MUC17: variants seen among roughly 807,000 people sequenced by gnomAD.
MUC17 encodes the protein mucin-17.
MUC17 carries 190 observed loss-of-function variants against 170.3 expected under a neutral mutation model. The observed-to-expected ratio is 1.12, with a 90% confidence interval of 0.99 to 1.26. The LOEUF (loss-of-function observed/expected upper bound fraction) is 1.26, where lower values mean the gene tolerates loss of function less well. Among genes scored for constraint, MUC17 ranks in the 50% most tolerant of loss-of-function variants. MUC17 has a pLI of 0.00. For missense variants in MUC17, 6,415 were observed against 5,530.0 expected (o/e 1.16, Z -5.08); for synonymous variants, 2,325 against 2,002.5 (o/e 1.16, Z -4.30).
chr7:101,031,079 A>G (rs975484200), intron 1 of MUC17, 41 bp from the exon 2 acceptor site: 1 of 1,579,104 alleles, frequency 6.3e-7, no homozygotes, highest in Non-Finnish European at 8.6e-7. Flanking sequence ...ATGAAGGAAG[A>G]TCATGGCTCT....
intron 1 of MUC17, among the ~76,000 whole-genome samples, chr7:101,024,968 A>C (rs1313607437): frequency 6.6e-6 from 1 of 151,496 alleles, no homozygotes; most frequent in Non-Finnish European, 1.5e-5. Flanking sequence ...GGCCACCAGC[A>C]CCCCACTTGA....
At chr7:101,026,602 A>C (rs1794184151) in intron 1 of MUC17, among the ~76,000 whole-genome samples, 2 of 152,154 alleles carry the variant, frequency 1.3e-5, no homozygotes, top group African/African-American at 4.8e-5. Flanking sequence ...GTGGTTTTTA[A>C]GAGATATGAC....
At position 101,042,331 on chromosome 7, in the gene MUC17, A is replaced by C. The variant is rs139919119; in HGVS notation, c.10915A>C (p.Ile3639Leu). ...TPSEVSTPLT[I>L]MPVSTTSVTI... ...TAGTGAAGTAAGCACTCCATTAACC[A>C]TTATGCCTGTCAGCACCACATCGGT... Residue 3639 changes from isoleucine (I) to leucine (L), a missense_variant, in exon 3 of 13, where the codon ATT (isoleucine) becomes CTT (leucine). Coordinates refer to ENST00000306151, the MANE Select transcript of MUC17 (RefSeq NM_001040105.2). 2.8e-4 allele frequency: 448 copies of C among 1,614,040 alleles called. 2 individuals carry two copies. In the African/African-American group the frequency reaches 5.4e-3, roughly 20 times the overall value.
intron 11 of MUC17, among the ~76,000 whole-genome samples, chr7:101,054,141 G>C (rs537511868): frequency 1.3e-5 from 2 of 148,574 alleles, no homozygotes; most frequent in South Asian, 2.1e-4. Context: ...TAGAGTGAAG[G>C]GGGAAAATAT....
At chr7:101,029,487 G>A (rs745885370) in intron 1 of MUC17, among the ~76,000 whole-genome samples, 19 of 152,022 alleles carry the variant, frequency 1.2e-4, no homozygotes, top group Non-Finnish European at 2.2e-4. Flanking sequence ...TCTCTCCATC[G>A]TTCATGTTTT....
Position 101,042,131 on chromosome 7 carries a change from G to T in MUC17, c.10715G>T (p.Ser3572Ile), listed in dbSNP as rs781120235. 1.9e-6 allele frequency: 3 copies of T among 1,614,190 alleles called. No homozygotes were observed. The Admixed American group carries it at 5.0e-5, about 27-fold the overall frequency. ...ACCACTATGCGTATGTCTACTCCAA[G>T]TGAAGGAAGCTCTTCATTAACAACT... ...QVTTMRMSTPSEGSSSLTTML... is the reference protein window; with the variant it reads ...QVTTMRMSTPIEGSSSLTTML... The change falls in exon 3 of 13, where the codon AGT becomes ATT. Residue 3572 changes from serine to isoleucine, a missense_variant. Coordinates refer to ENST00000306151, the MANE Select transcript of MUC17 (RefSeq NM_001040105.2).
At position 101,041,075 on chromosome 7, in the gene MUC17, G is replaced by A. The variant is rs772114947; in HGVS notation, c.9659G>A (p.Gly3220Glu). 1.2e-6 allele frequency: 2 copies of A among 1,613,500 alleles called. No homozygotes were observed. Among genetic ancestry groups the A allele is most frequent in the African/African-American group, 1.3e-5 (1 of 74,698 alleles). Residue 3220 changes from glycine (G) to glutamate (E), a missense_variant, in exon 3 of 13, where the codon GGA becomes GAA. Coordinates refer to ENST00000306151, the MANE Select transcript of MUC17 (RefSeq NM_001040105.2). ...ATTCCAACCTCAACTCCTAGTGAAGGAATGACTCCATTAACTAGTGTACCT... is the reference window on the plus strand; with the variant it reads ...ATTCCAACCTCAACTCCTAGTGAAGAAATGACTCCATTAACTAGTGTACCT... ...TSIPTSTPSE[G>E]MTPLTSVPVS...
intron 1 of MUC17, among the ~76,000 whole-genome samples, chr7:101,029,594 T>A (rs1005439696): frequency 1.8e-4 from 28 of 151,798 alleles, no homozygotes; most frequent in African/African-American, 6.3e-4. Flanking sequence ...TTAATTAATT[T>A]ATTATTATTA....
Position 101,039,383 on chromosome 7 carries a change from C to T in MUC17, c.7967C>T (p.Thr2656Ile), listed in dbSNP as rs1211794189. The change falls in exon 3 of 13, where the codon ACT becomes ATT. Residue 2656 changes from threonine to isoleucine, a missense_variant. By Grantham distance (89) the Thr-to-Ile change is moderately conservative. Coordinates refer to ENST00000306151, the MANE Select transcript of MUC17 (RefSeq NM_001040105.2). ...ASSEASTLST[T>I]PVDTRTLVTT... ...TCTGAGGCTAGCACCCTTTCAACAA[C>T]TCCTGTTGACACCAGGACACTTGTG... 1 of 1,612,166 alleles carries T rather than the reference C, an allele frequency of 6.2e-7. No homozygotes were observed. The highest frequency in any genetic ancestry group is 8.5e-7 in the Non-Finnish European group (1 of 1,179,190).
chr7:101,031,937 C>A lies in MUC17; in HGVS notation c.521C>A (p.Ala174Asp). The part of the protein sequence containing the change: ...VSTAPLPSFE[A>D]YTSLTYKVDM... The stretch of plus-strand genomic sequence containing the variant: ...ACTGCACCTCTTCCCAGTTTTGAGG[C>A]CTACACATCTTTAACATATAAGGTT... The change falls in exon 3 of 13, where the codon GCC becomes GAC. Residue 174 changes from alanine to aspartate, a missense_variant. Transcript: ENST00000306151. 6.2e-7 allele frequency: 1 copy of A among 1,614,056 alleles called. No homozygotes were observed. The highest frequency in any genetic ancestry group is 8.5e-7 in the Non-Finnish European group (1 of 1,180,022).
chr7:101,037,426 A>T lies in MUC17; in HGVS notation c.6010A>T (p.Thr2004Ser). ...GCTGGTGGTCAGTTCTGAGGCTAGC[A>T]CTCTTTCCACAACTCCTGTTGACAC... ...TTLVVSSEAS[T>S]LSTTPVDTST... The change falls in exon 3 of 13, where the codon ACT becomes TCT. Residue 2004 changes from threonine (T) to serine (S), a missense_variant. Transcript: ENST00000306151. The T allele has an allele frequency of 6.2e-7, 1 of 1,611,172 alleles. No individual in the cohort carries two copies. Among genetic ancestry groups the T allele is most frequent in the Non-Finnish European group, 8.5e-7 (1 of 1,178,326 alleles).
intron 1 of MUC17, among the ~76,000 whole-genome samples, chr7:101,030,230 CTTT>C (rs57980303): frequency 2.9e-5 from 4 of 136,184 alleles, no homozygotes; most frequent in Admixed American, 7.5e-5. Context: ...ACAATGTTGG[CTTT>C]TTTTTTTTTT....
chr7:101,026,161 G>A lies in MUC17; in HGVS notation c.83-4959G>A, dbSNP rs1282597087. 2.0e-5 allele frequency among the ~76,000 whole-genome samples: 3 copies of A among 152,134 alleles called. No individual in the cohort carries two copies. In the South Asian group the frequency reaches 6.2e-4, roughly 31 times the overall value. Reference sequence around the variant, plus strand: ...ACTCCACCCTCTTCCCACCTCTTAGGGGTCAGTGGATCAGGGCCTACCGGG... The same window carrying A: ...ACTCCACCCTCTTCCCACCTCTTAGAGGTCAGTGGATCAGGGCCTACCGGG... On this transcript the variant is annotated intron_variant, in intron 1 of 12. Coordinates refer to ENST00000306151, the MANE Select transcript of MUC17 (RefSeq NM_001040105.2).
At chr7:101,047,934 G>A (rs768452008) in intron 3 of MUC17, 50 bp from the exon 4 acceptor site, 1 of 1,526,684 alleles carries the variant, frequency 6.6e-7, no homozygotes, top group Non-Finnish European at 8.8e-7. Context: ...TTCCAGTGAG[G>A]TGCCTCAATG....
chr7:101,057,843 G>A (rs1027740330), intron 12 of MUC17, among the ~76,000 whole-genome samples, 160 bp from the exon 13 acceptor site: 3 of 152,126 alleles, frequency 2.0e-5, no homozygotes, highest in African/African-American at 7.2e-5. Flanking sequence ...TTGTGCCACT[G>A]CACTCCAGCC....
rs1219095300 is a variant in MUC17 at position 101,032,674 on chromosome 7, T to C, written c.1258T>C (p.Ser420Pro). Residue 420 changes from serine (S) to proline (P), a missense_variant, in exon 3 of 13, where the codon TCC becomes CCC. By Grantham distance (74) the Ser-to-Pro change is moderately conservative. Coordinates refer to ENST00000306151, the MANE Select transcript of MUC17 (RefSeq NM_001040105.2). Reference protein sequence around the residue: ...ASTTSTIPVDSKTFVTTASEA... With the variant: ...ASTTSTIPVDPKTFVTTASEA... ...CACCACTTCAACAATTCCTGTTGAC[T>C]CCAAAACTTTTGTGACCACTGCTAG... 4 of 1,569,864 alleles carry C rather than the reference T, an allele frequency of 2.5e-6. No individual in the cohort carries two copies. Among genetic ancestry groups the C allele is most frequent in the Non-Finnish European group, 3.5e-6 (4 of 1,151,902 alleles).
Position 101,038,641 on chromosome 7 carries a change from G to A in MUC17, c.7225G>A (p.Val2409Met), listed in dbSNP as rs778193009. 6.2e-7 allele frequency: 1 copy of A among 1,613,760 alleles called. No individual in the cohort carries two copies. Among genetic ancestry groups the A allele is most frequent in the Non-Finnish European group, 8.5e-7 (1 of 1,179,982 alleles). ...AAGTGTGCCTGTCAGCACCATGCCG[G>A]TGGTCAGTTCTGAGGCTAGCACCCA... ...LTSVPVSTMPVVSSEASTHST... is the reference protein window; with the variant it reads ...LTSVPVSTMPMVSSEASTHST... The change falls in exon 3 of 13, where the codon GTG (valine) becomes ATG (methionine). Residue 2409 changes from valine to methionine, a missense_variant. Physicochemically the swap from Val to Met is conservative, Grantham distance 21. Coordinates refer to ENST00000306151, the MANE Select transcript of MUC17 (RefSeq NM_001040105.2).
At position 101,041,669 on chromosome 7, in the gene MUC17, C is replaced by A. The variant is rs1660293370; in HGVS notation, c.10253C>A (p.Thr3418Asn). 4 of 1,613,830 alleles carry A rather than the reference C, an allele frequency of 2.5e-6. No individual in the cohort carries two copies. Among genetic ancestry groups the A allele is most frequent in the Non-Finnish European group, 3.4e-6 (4 of 1,179,930 alleles). ...TTPVVSSEVNTLSTTPVDSNT... is the reference protein window; with the variant it reads ...TTPVVSSEVNNLSTTPVDSNT... ...CCGGTGGTCAGTTCTGAGGTTAACA[C>A]CCTTTCAACAACTCCTGTGGACTCC... The change falls in exon 3 of 13, where the codon ACC becomes AAC. Residue 3418 changes from threonine to asparagine, a missense_variant. Transcript: ENST00000306151.
rs1794349559 is a variant in MUC17 at position 101,033,225 on chromosome 7, T to C, written c.1809T>C (p.Thr603=). 1 of 1,614,060 alleles carries C rather than the reference T, an allele frequency of 6.2e-7. No individual in the cohort carries two copies. The highest frequency in any genetic ancestry group is 1.3e-5 in the African/African-American group (1 of 74,976). ...TPADSNTFVT[T]SSEASSSSTT... The stretch of plus-strand genomic sequence containing the variant: ...CTGACTCCAACACTTTTGTGACCAC[T>C]TCTAGTGAAGCTAGTTCATCTTCTA... The change falls in exon 3 of 13, where the codon ACT becomes ACC. Residue 603 remains threonine (T), a synonymous_variant. Coordinates refer to ENST00000306151, the MANE Select transcript of MUC17 (RefSeq NM_001040105.2).
Sources: gnomAD v4.1 joint callset for allele counts (sites outside exome capture counted in the v4.1 genomes callset) on GRCh38, gnomAD v4.1.1 for gene constraint, MANE v1.5 for transcripts, NCBI Gene and HGNC (gene_info 2026-07-23, HGNC 2026-07-21) for gene names.